The following NRXN3 variants were observed in gnomAD, a reference collection of about 807,000 sequenced individuals.
NRXN3 encodes neurexin III.
NRXN3 carries 32 observed loss-of-function variants against 137.6 expected under a neutral mutation model. The ratio of observed to expected loss-of-function variants is 0.23; its 90% confidence interval spans 0.18 to 0.31. NRXN3 has a LOEUF of 0.31. Ranked by LOEUF, NRXN3 falls within the 10% of genes least tolerant of loss-of-function variation. The probability of loss-of-function intolerance (pLI) is 1.00; values close to 1 mark genes in which losing one functional copy is unlikely to be tolerated. For missense variants in NRXN3, 1,574 were observed against 2,062.5 expected, an observed-to-expected ratio of 0.76 and a Z score of 4.59; for synonymous variants, 798 against 784.5, an observed-to-expected ratio of 1.02 and a Z score of -0.29.
chr14:78,703,652 C>G (rs2098313717), intron 6 of NRXN3: 3 of 152,344 alleles, frequency 2.0e-5, no homozygotes, highest in South Asian at 2.1e-4. Flanking sequence ...GTAGTCAACT[C>G]TGCTCCACTC....
rs869266975 is a variant in NRXN3, at chr14:79,059,250, C to CTTTTTTTTTTTTTTTTTTTT, written c.3262+71115_3262+71134dup. The stretch of plus-strand genomic sequence containing the variant: ...AAGAAGGCTGCCTTCAGGCCCTATT[C>CTTTTTTTTTTTTTTTTTTTT]TTTTTTTTTTTTTTTTTTTTTTTTT... On this transcript the variant is annotated intron_variant, in intron 15 of 20. Coordinates refer to ENST00000335750, the MANE Select transcript of NRXN3 (RefSeq NM_001330195.2). 1.3e-3 allele frequency among the ~76,000 whole-genome samples: 103 copies of CTTTTTTTTTTTTTTTTTTTT among 78,272 alleles called. 3 individuals are homozygous for CTTTTTTTTTTTTTTTTTTTT. The highest frequency in any genetic ancestry group is 3.4e-3 in the East Asian group (10 of 2,976). 51.3% of individuals were successfully genotyped at this position (78,272 alleles called of 152,430 possible).
At chr14:79,697,602 A>G in intron 18 of NRXN3, 28 bp from the exon 19 acceptor site, 1 of 1,601,026 alleles carries the variant, frequency 6.2e-7, no homozygotes, top group Non-Finnish European at 8.5e-7. Context: ...TATGAGAATA[A>G]TAATGTTTCC....
chr14:78,184,701 C>T (rs966030323), intron 1 of NRXN3, among the ~76,000 whole-genome samples: 15 of 152,178 alleles, frequency 9.9e-5, no homozygotes, highest in African/African-American at 3.6e-4. Context: ...AAGCCTATGG[C>T]TAGCTCACCT....
At chr14:78,516,049 C>G (rs1466870270) in intron 4 of NRXN3, among the ~76,000 whole-genome samples, 1 of 152,066 alleles carries the variant, frequency 6.6e-6, no homozygotes, top group East Asian at 1.9e-4. Context: ...GTACCTGGCA[C>G]TTAGTCCAGG....
chr14:79,273,580 G>T (rs1176924298), intron 15 of NRXN3, among the ~76,000 whole-genome samples: 1 of 152,172 alleles, frequency 6.6e-6, no homozygotes, highest in Admixed American at 6.5e-5. Context: ...CTTGCAGTGA[G>T]CCAAGATCGC....
intron 15 of NRXN3, among the ~76,000 whole-genome samples, chr14:79,356,219 C>T (rs935092588): frequency 6.6e-6 from 1 of 152,242 alleles, no homozygotes; most frequent in Admixed American, 6.5e-5. Flanking sequence ...TTGCTGCCTC[C>T]TACTGTTTCA....
At position 79,663,940 on chromosome 14, in the gene NRXN3, T is replaced by G; in HGVS notation, c.3607T>G (p.Tyr1203Asp). 1 of 1,613,368 alleles carries G rather than the reference T, an allele frequency of 6.2e-7. No homozygotes were observed. Among genetic ancestry groups the G allele is most frequent in the South Asian group, 1.1e-5 (1 of 91,076 alleles). Residue 1203 changes from tyrosine (Y) to aspartate (D), a missense_variant, in exon 17 of 21, where the codon TAT becomes GAT. By Grantham distance (160) the Tyr-to-Asp change is radical. Coordinates refer to ENST00000335750, the MANE Select transcript of NRXN3 (RefSeq NM_001330195.2). ...GGACAACTGGCCAGTGAATGAACAT[T>G]ATCCTACAGGTACATGTTGTTCGCT... is the stretch of plus-strand genomic sequence containing the variant. Reference protein sequence around the residue: ...QVDNWPVNEHYPTGNTDNERF... With the variant: ...QVDNWPVNEHDPTGNTDNERF...
chr14:78,786,288 A>G (rs746150660), intron 8 of NRXN3, among the ~76,000 whole-genome samples: 1 of 152,200 alleles, frequency 6.6e-6, no homozygotes, highest in Non-Finnish European at 1.5e-5. Context: ...TAGTGTAGTC[A>G]TCTTCCAAGA....
At chr14:78,374,243 G>A (rs1261371942) in intron 4 of NRXN3, among the ~76,000 whole-genome samples, 1 of 152,102 alleles carries the variant, frequency 6.6e-6, no homozygotes, top group African/African-American at 2.4e-5. Context: ...AGCTAGAAGT[G>A]TTTATGTGCC....
At chr14:79,528,742 T>C (rs2097143747) in intron 16 of NRXN3, among the ~76,000 whole-genome samples, 1 of 152,168 alleles carries the variant, frequency 6.6e-6, no homozygotes, top group Non-Finnish European at 1.5e-5. Context: ...ACAGATAGCA[T>C]TTCCTAAACA....
chr14:79,805,559 T>C (rs1425655559), intron 20 of NRXN3, among the ~76,000 whole-genome samples: 4 of 152,030 alleles, frequency 2.6e-5, no homozygotes, highest in Non-Finnish European at 4.4e-5. Context: ...GAAATATATG[T>C]TGGAATGACA....
At chr14:78,646,413 C>T (rs572942277) in intron 5 of NRXN3, among the ~76,000 whole-genome samples, 9 of 152,248 alleles carry the variant, frequency 5.9e-5, no homozygotes, top group Admixed American at 5.9e-4. Flanking sequence ...GGCATCCAGG[C>T]TTTATTAACC....
chr14:78,352,422 C>T (rs1438244402), intron 4 of NRXN3, among the ~76,000 whole-genome samples: 1 of 151,954 alleles, frequency 6.6e-6, no homozygotes, highest in Non-Finnish European at 1.5e-5. Flanking sequence ...AAGAAGCCAA[C>T]ACTTTACCCT....
intron 15 of NRXN3, among the ~76,000 whole-genome samples, chr14:79,287,117 C>T (rs1413591928): frequency 6.6e-6 from 1 of 152,102 alleles, no homozygotes; most frequent in Non-Finnish European, 1.5e-5. Context: ...GCTGGTTCTC[C>T]TCATTTTCCT....
chr14:78,323,290 A>G (rs958013959), intron 4 of NRXN3, among the ~76,000 whole-genome samples: 9 of 152,006 alleles, frequency 5.9e-5, no homozygotes, highest in African/African-American at 1.5e-4. Flanking sequence ...ACAGTAACAC[A>G]GAAGGAGGTG....
intron 16 of NRXN3, among the ~76,000 whole-genome samples, chr14:79,552,590 G>A (rs190689777): frequency 6.6e-6 from 1 of 152,126 alleles, no homozygotes; most frequent in Non-Finnish European, 1.5e-5. Flanking sequence ...AGGCCAGATA[G>A]TTGAAGGTTA....
intron 4 of NRXN3, among the ~76,000 whole-genome samples, chr14:78,325,896 G>T (rs2080019330): frequency 6.6e-6 from 1 of 152,116 alleles, no homozygotes; most frequent in Non-Finnish European, 1.5e-5. Context: ...ATTTTTGAGG[G>T]ATATCTTCTA....
chr14:78,836,925 T>G (rs1358016355), intron 10 of NRXN3, among the ~76,000 whole-genome samples: 1 of 152,172 alleles, frequency 6.6e-6, no homozygotes, highest in Non-Finnish European at 1.5e-5. Flanking sequence ...CTTCCTTCTA[T>G]TCTATTGAGC....
intron 2 of NRXN3, among the ~76,000 whole-genome samples, chr14:78,269,446 G>C (rs781591176): frequency 2.0e-5 from 3 of 152,126 alleles, no homozygotes; most frequent in Non-Finnish European, 2.9e-5. Context: ...AGTGGGAGGG[G>C]GTAAAGGGAA....
Sources: gnomAD v4.1 joint callset for allele counts (sites outside exome capture counted in the v4.1 genomes callset) on GRCh38, gnomAD v4.1.1 for gene constraint, MANE v1.5 for transcripts, NCBI Gene and HGNC (gene_info 2026-07-23, HGNC 2026-07-21) for gene names.